The following GAL variants were observed in gnomAD, a reference collection of about 807,000 sequenced individuals.
GAL encodes galanin and GMAP prepropeptide.
GAL carries 14 observed loss-of-function variants against 15.8 expected under a neutral mutation model. The observed-to-expected ratio is 0.89, with a 90% CI of 0.59 to 1.39. GAL has a LOEUF of 1.39. Ranked by LOEUF, GAL falls within the 40% of genes most tolerant of loss-of-function variation. GAL has a pLI of 0.00. For synonymous variants in GAL, 79 were observed against 73.8 expected (o/e 1.07, Z -0.36); for missense variants, 176 against 170.4 (o/e 1.03, Z -0.18).
intron 4 of GAL, among the ~76,000 whole-genome samples, chr11:68,688,435 C>A (rs1945874832): frequency 6.6e-6 from 1 of 152,212 alleles, no homozygotes; most frequent in Non-Finnish European, 1.5e-5. Flanking sequence ...TCAAGACCAG[C>A]CTGGCCAACA....
intron 3 of GAL, among the ~76,000 whole-genome samples, chr11:68,686,846 G>A (rs1385755050): frequency 6.6e-6 from 1 of 152,142 alleles, no homozygotes; most frequent in Admixed American, 6.5e-5. Flanking sequence ...AGGCAGAACT[G>A]GTCAATGAGA....
intron 2 of GAL, 51 bp downstream of exon 2, chr11:68,685,055 G>A (rs765284289): frequency 5.8e-6 from 7 of 1,202,008 alleles, no homozygotes; most frequent in Non-Finnish European, 7.2e-6. Flanking sequence ...AGAGCCGGCC[G>A]GGCGTGGAGG....
intron 4 of GAL, among the ~76,000 whole-genome samples, chr11:68,688,384 T>TA (rs1379313343): frequency 6.6e-6 from 1 of 152,176 alleles, no homozygotes; most frequent in Non-Finnish European, 1.5e-5. Flanking sequence ...ATCCCAGCAC[T>TA]CTGGGAGGCT....
At chr11:68,688,141 C>A in intron 4 of GAL, 41 bp downstream of exon 4, 1 of 1,201,996 alleles carries the variant, frequency 8.3e-7, no homozygotes, top group Non-Finnish European at 1.2e-6. Flanking sequence ...CACCTCACTT[C>A]CACCAGCTCC....
At position 68,684,739 on chromosome 11, in the gene GAL, C is replaced by A. The variant is rs943997378; in HGVS notation, c.-1+7C>A. ...GGCGCAGCCGCAGCTCAAGGTACTA[C>A]TGGCGCCGGGCCGACCCTGCGCCCC... On this transcript the variant is annotated splice_region_variant and intron_variant, in intron 1 of 5. Coordinates refer to ENST00000265643, the MANE Select transcript of GAL (RefSeq NM_015973.5). 1 of 506,202 alleles carries A rather than the reference C, an allele frequency of 2.0e-6. No individual in the cohort carries two copies. The highest frequency in any genetic ancestry group is 3.4e-5 in the East Asian group (1 of 29,632). The allele number at this position is 506,202 out of a possible 1,614,324, so 31.4% of individuals were successfully genotyped here. A position where few individuals can be genotyped will look rare whatever the true frequency, so the allele number is the denominator to read the frequency against.
Position 68,688,120 on chromosome 11 carries a change from G to A in GAL, c.223+20G>A, listed in dbSNP as rs754743173. 9 of 1,496,430 alleles carry A rather than the reference G, an allele frequency of 6.0e-6. No individual in the cohort carries two copies. Among genetic ancestry groups the A allele is most frequent in the Middle Eastern group, 1.7e-4 (1 of 5,862 alleles). 92.7% of individuals were successfully genotyped at this position (1,496,430 alleles called of 1,614,324 possible). A position where few individuals can be genotyped will look rare whatever the true frequency, so the allele number is the denominator to read the frequency against. On this transcript the variant is annotated intron_variant, in intron 4 of 5. Transcript: ENST00000265643. ...AACCAGGTGAGAGGACTCCTATCCC[G>A]GGCCCCGGGGCACCTCACTTCCACC... is the stretch of plus-strand genomic sequence containing the variant.
Position 68,685,001 on chromosome 11 carries a change from G to T in GAL, c.78G>T (p.Ser26=). ...AALSASAGLW[S]PAKEKRGWTL... ...TTTCTGCCTCTGCGGGGCTCTGGTC[G>T]CCGGTAAGTGCGGGGCGCGTCTCCT... Residue 26 remains serine (S), a synonymous_variant, in exon 2 of 6, where the codon TCG becomes TCT. Coordinates refer to ENST00000265643, the MANE Select transcript of GAL (RefSeq NM_015973.5). 1 of 1,590,288 alleles carries T rather than the reference G, an allele frequency of 6.3e-7. No homozygotes were observed. The highest frequency in any genetic ancestry group is 8.6e-7 in the Non-Finnish European group (1 of 1,166,476).
intron 5 of GAL, among the ~76,000 whole-genome samples, chr11:68,690,099 G>A (rs147282879): frequency 2.6e-5 from 4 of 151,220 alleles, no homozygotes; most frequent in South Asian, 2.1e-4. Flanking sequence ...GGGATAGACC[G>A]CTTTGCCTCT....
chr11:68,687,971 TGACA>T, intron 3 of GAL, 39 bp from the exon 4 acceptor site: 1 of 1,265,616 alleles, frequency 7.9e-7, no homozygotes, highest in Non-Finnish European at 1.2e-6. Flanking sequence ...AGGGCGTGCA[TGACA>T]GTCACACCCA....
At chr11:68,685,698 C>T (rs1252736653) in intron 3 of GAL, 50 bp downstream of exon 3, 6 of 1,351,928 alleles carry the variant, frequency 4.4e-6, no homozygotes, top group South Asian at 2.4e-5. Context: ...ACCTGCCCCT[C>T]GCTTTGAACC....
Position 68,690,978 on chromosome 11 carries a change from G to A in GAL, c.363G>A (p.Glu121=). 1 of 1,610,308 alleles carries A rather than the reference G, an allele frequency of 6.2e-7. No homozygotes were observed. Residue 121 remains glutamate, a synonymous_variant, in exon 6 of 6, where the codon GAG becomes GAA. Transcript: ENST00000265643. The part of the protein sequence containing the change: ...LPAAASSEDI[E]RS ...CCGCAGCCTCCTCAGAAGACATCGA[G>A]CGGTCCTGAGAGCCTCCTGGGCATG...
chr11:68,685,977 C>T (rs572918177), intron 3 of GAL, among the ~76,000 whole-genome samples: 16 of 152,298 alleles, frequency 1.1e-4, no homozygotes, highest in Non-Finnish European at 2.1e-4. Context: ...CTCAACTCCT[C>T]GGCTTGCAGA....
At chr11:68,690,282 A>G (rs1945893107) in intron 5 of GAL, among the ~76,000 whole-genome samples, 2 of 152,222 alleles carry the variant, frequency 1.3e-5, no homozygotes, top group Admixed American at 6.5e-5. Context: ...TCTCCAGTGG[A>G]GACCTTCAGT....
At chr11:68,685,113 G>C (rs1334797044) in intron 2 of GAL, 109 bp downstream of exon 2, 5 of 731,438 alleles carry the variant, frequency 6.8e-6, no homozygotes, top group Non-Finnish European at 9.3e-6. Context: ...GATGGGGGTG[G>C]AAAGTGGAAA....
At chr11:68,686,388 C>G (rs1945852561) in intron 3 of GAL, among the ~76,000 whole-genome samples, 1 of 152,232 alleles carries the variant, frequency 6.6e-6, no homozygotes, top group African/African-American at 2.4e-5. Flanking sequence ...ACCTCACCAT[C>G]CACCTTAAAA....
At chr11:68,686,088 C>A (rs565215097) in intron 3 of GAL, among the ~76,000 whole-genome samples, 45 of 152,304 alleles carry the variant, frequency 3.0e-4, no homozygotes, top group African/African-American at 1.1e-3. Context: ...CAGACAGGCT[C>A]CCCTCAAAAC....
chr11:68,684,856 G>C (rs541624740), intron 1 of GAL, 68 bp from the exon 2 acceptor site: 88 of 939,598 alleles, frequency 9.4e-5, no homozygotes, highest in South Asian at 5.5e-4. Context: ...CCGCAGCCCC[G>C]GCACTCCTTG....
intron 5 of GAL, 83 bp from the exon 6 acceptor site, chr11:68,690,834 T>C: frequency 1.1e-6 from 1 of 897,968 alleles, no homozygotes. Flanking sequence ...CACACGCCGC[T>C]TCCTGTAGCA....
chr11:68,690,383 G>A (rs201487197), intron 5 of GAL, among the ~76,000 whole-genome samples: 3 of 152,196 alleles, frequency 2.0e-5, no homozygotes, highest in East Asian at 3.9e-4. Context: ...CAGTGTTATC[G>A]GGCTGCACTT....
Sources: gnomAD v4.1 joint callset for allele counts (sites outside exome capture counted in the v4.1 genomes callset) on GRCh38, gnomAD v4.1.1 for gene constraint, MANE v1.5 for transcripts, NCBI Gene and HGNC (gene_info 2026-07-23, HGNC 2026-07-21) for gene names.